The following HNRNPLL variants were observed in gnomAD, a reference collection of about 807,000 sequenced individuals.
HNRNPLL encodes heterogeneous nuclear ribonucleoprotein L like.
HNRNPLL carries 25 observed loss-of-function variants against 67.1 expected under a neutral mutation model. The ratio of observed to expected loss-of-function variants is 0.37; its 90% CI spans 0.27 to 0.52. The LOEUF (loss-of-function observed/expected upper bound fraction) is 0.52. HNRNPLL is among the 20% of genes least tolerant of loss of function. The pLI is 0.90. For missense variants in HNRNPLL, 542 were observed against 673.9 expected (o/e 0.80, Z 2.17); for synonymous variants, 267 against 241.7 (o/e 1.10, Z -0.97).
chr2:38,589,677 G>A lies in HNRNPLL; in HGVS notation c.308+1853C>T, dbSNP rs148304711. On this transcript the variant is annotated intron_variant, in intron 2 of 12. Coordinates refer to ENST00000449105, the MANE Select transcript of HNRNPLL (RefSeq NM_138394.4). ...AAATTTTAGAGTCTAAAAATGCAAA[G>A]GTCACCAGGAGTAATTCAAATTACT... Among the ~76,000 whole-genome samples, 71 of 152,154 alleles carry A rather than the reference G, an allele frequency of 4.7e-4. 4 individuals are homozygous for A. The East Asian group carries it at 0.013, about 29-fold the overall frequency.
At chr2:38,588,812 G>A (rs1203281071) in intron 2 of HNRNPLL, among the ~76,000 whole-genome samples, 2 of 152,150 alleles carry the variant, frequency 1.3e-5, no homozygotes, top group East Asian at 3.9e-4. Flanking sequence ...GAAGCTGAAA[G>A]TGGGAAGATT....
intron 7 of HNRNPLL, among the ~76,000 whole-genome samples, chr2:38,575,643 T>C (rs1666270708): frequency 6.6e-6 from 1 of 151,858 alleles, no homozygotes; most frequent in Admixed American, 6.6e-5. Context: ...ATGGAATCTA[T>C]GGGTCCTGAA....
chr2:38,591,470 AG>A, intron 2 of HNRNPLL, 59 bp downstream of exon 2: 1 of 899,170 alleles, frequency 1.1e-6, no homozygotes, highest in Non-Finnish European at 1.9e-6. Flanking sequence ...GCTTGTAACA[AG>A]CAAGCAAGGA....
rs1667503114 is a variant in HNRNPLL, at chr2:38,602,704, C to T, written c.-78G>A. ...CGCGCCTCGGATGCCGCCGGCCAGTCCTCGCCGCCGGCAGCGCCTCTTCTG... is the reference window on the plus strand; with the variant it reads ...CGCGCCTCGGATGCCGCCGGCCAGTTCTCGCCGCCGGCAGCGCCTCTTCTG... On this transcript the variant is annotated 5_prime_UTR_variant, in exon 1 of 13. Coordinates refer to ENST00000449105, the MANE Select transcript of HNRNPLL (RefSeq NM_138394.4). 2.1e-6 allele frequency: 3 copies of T among 1,431,724 alleles called. No individual in the cohort carries two copies. Among genetic ancestry groups the T allele is most frequent in the Non-Finnish European group, 2.7e-6 (3 of 1,096,604 alleles). The allele number at this position is 1,431,724 out of a possible 1,614,324, so 88.7% of individuals were successfully genotyped here. A position where few individuals can be genotyped will look rare whatever the true frequency, so the allele number is the denominator to read the frequency against.
chr2:38,596,397 C>A (rs866059861), intron 1 of HNRNPLL, among the ~76,000 whole-genome samples: 55 of 152,026 alleles, frequency 3.6e-4, no homozygotes, highest in Admixed American at 1.7e-3. Flanking sequence ...TAGCTGGGAC[C>A]ACAAGCATGT....
At position 38,562,117 on chromosome 2, in the gene HNRNPLL, A is replaced by G. The variant is rs1269127903; in HGVS notation, c.*2065T>C. ...TGCTTTTTCTAGTTCTTCTAAAAGCATAAAGATAGCACAGAGAAGAATGTT... is the reference window on the plus strand; with the variant it reads ...TGCTTTTTCTAGTTCTTCTAAAAGCGTAAAGATAGCACAGAGAAGAATGTT... On this transcript the variant is annotated 3_prime_UTR_variant, in exon 13 of 13. Transcript: ENST00000449105. The G allele has an allele frequency of 6.6e-6, 1 of 152,212 alleles. No individual in the cohort carries two copies. The highest frequency in any genetic ancestry group is 1.5e-5 in the Non-Finnish European group (1 of 68,020). 9.4% of individuals were successfully genotyped at this position (152,212 alleles called of 1,614,324 possible).
rs1413943086 is a variant in HNRNPLL at position 38,563,417 on chromosome 2, G to A, written c.*765C>T. Reference sequence around the variant, plus strand: ...GATCCCAGATTATTATCTATAAGAGGAACTGTTAATTATAACCTCTATTAA... The same window carrying A: ...GATCCCAGATTATTATCTATAAGAGAAACTGTTAATTATAACCTCTATTAA... On this transcript the variant is annotated 3_prime_UTR_variant, in exon 13 of 13. Transcript: ENST00000449105. 1 of 151,986 alleles carries A rather than the reference G, an allele frequency of 6.6e-6. No homozygotes were observed. Among genetic ancestry groups the A allele is most frequent in the Admixed American group, 6.5e-5 (1 of 15,274 alleles). The allele number at this position is 151,986 out of a possible 1,614,324, so 9.4% of individuals were successfully genotyped here.
intron 8 of HNRNPLL, among the ~76,000 whole-genome samples, chr2:38,571,858 C>CA (rs780585475): frequency 6.6e-5 from 10 of 152,054 alleles, no homozygotes; most frequent in African/African-American, 2.2e-4. Flanking sequence ...AAATAACATA[C>CA]AAAAAATCTA....
chr2:38,601,418 C>T (rs1667427386), intron 1 of HNRNPLL, among the ~76,000 whole-genome samples: 1 of 152,100 alleles, frequency 6.6e-6, no homozygotes, highest in African/African-American at 2.4e-5. Context: ...TGTACAGTTT[C>T]GTAATTCTGT....
intron 7 of HNRNPLL, among the ~76,000 whole-genome samples, chr2:38,574,313 A>G (rs1055108834): frequency 6.6e-6 from 1 of 151,876 alleles, no homozygotes; most frequent in Non-Finnish European, 1.5e-5. Context: ...GAAGAAAGGC[A>G]GAGGAACTCA....
chr2:38,566,840 A>G (rs1318516307), intron 12 of HNRNPLL, among the ~76,000 whole-genome samples: 1 of 151,314 alleles, frequency 6.6e-6, no homozygotes, highest in Non-Finnish European at 1.5e-5. Flanking sequence ...AAAAAATTAA[A>G]AATAAAAAAA....
At position 38,578,965 on chromosome 2, in the gene HNRNPLL, C is replaced by G. The variant is rs144304895; in HGVS notation, c.803-1433G>C. On this transcript the variant is annotated intron_variant, in intron 6 of 12. Coordinates refer to ENST00000449105, the MANE Select transcript of HNRNPLL (RefSeq NM_138394.4). The stretch of plus-strand genomic sequence containing the variant: ...CCACATGGCTTCTAACGTCTCTCAT[C>G]ACGCAAGTCTCACTCCTTTTGAGCC... 6.6e-4 allele frequency among the ~76,000 whole-genome samples: 101 copies of G among 152,226 alleles called. 1 individual carries two copies. Among genetic ancestry groups the G allele is most frequent in the African/African-American group, 2.4e-3 (100 of 41,542 alleles).
At chr2:38,588,546 C>CAAAAAAAAAAAAAAAAAAA (rs70954733) in intron 2 of HNRNPLL, among the ~76,000 whole-genome samples, 3 of 51,010 alleles carry the variant, frequency 5.9e-5, no homozygotes, top group African/African-American at 1.6e-4. Context: ...AACTCCATCT[C>CAAAAAAAAAAAAAAAAAAA]AAAAAAAAAA....
At chr2:38,566,850 A>C (rs535518363) in intron 12 of HNRNPLL, among the ~76,000 whole-genome samples, 1 of 151,652 alleles carries the variant, frequency 6.6e-6, no homozygotes, top group African/African-American at 2.4e-5. Context: ...AAATAAAAAA[A>C]AATTTAAAAA....
intron 6 of HNRNPLL, among the ~76,000 whole-genome samples, chr2:38,579,537 A>G (rs189444680): frequency 1.3e-5 from 2 of 152,188 alleles, no homozygotes; most frequent in South Asian, 4.1e-4. Flanking sequence ...ATCAGTTTCT[A>G]AACAGTGGTA....
chr2:38,602,374 C>A (rs924491495), intron 1 of HNRNPLL, 64 bp downstream of exon 1: 5 of 1,468,458 alleles, frequency 3.4e-6, no homozygotes, highest in Non-Finnish European at 4.6e-6. Flanking sequence ...GGAGGCCCCG[C>A]ACCGAGGCCC....
chr2:38,592,433 C>T (rs1667000047), intron 1 of HNRNPLL, among the ~76,000 whole-genome samples: 1 of 152,194 alleles, frequency 6.6e-6, no homozygotes, highest in South Asian at 2.1e-4. Flanking sequence ...TCTAGTCCCA[C>T]TATAACTTGA....
At chr2:38,579,140 G>A (rs116444147) in intron 6 of HNRNPLL, among the ~76,000 whole-genome samples, 84 of 152,208 alleles carry the variant, frequency 5.5e-4, no homozygotes, top group African/African-American at 1.8e-3. Context: ...ACAGTTAACA[G>A]TGTGCTATAA....
intron 8 of HNRNPLL, among the ~76,000 whole-genome samples, chr2:38,570,446 C>A (rs577270075): frequency 5.3e-5 from 8 of 152,192 alleles, no homozygotes; most frequent in East Asian, 3.9e-4. Flanking sequence ...TCTGTTAATG[C>A]AGTAAACAAG....
Sources: allele counts gnomAD v4.1 joint callset (sites outside exome capture counted in the v4.1 genomes callset), GRCh38; gene constraint gnomAD v4.1.1; transcripts MANE v1.5; gene names NCBI Gene and HGNC (gene_info 2026-07-23, HGNC 2026-07-21).